MID1: variants seen among roughly 807,000 people sequenced by gnomAD.
MID1 encodes the protein midline 1.
In MID1, 7 loss-of-function variants were observed where a neutral mutation model predicts 40.4. That is an observed-to-expected ratio of 0.17 (90% confidence interval 0.10 to 0.33). The LOEUF (loss-of-function observed/expected upper bound fraction) is 0.33, where lower values mean the gene tolerates loss of function less well. Ranked by LOEUF, MID1 falls within the 10% of genes least tolerant of loss-of-function variation. The pLI, the probability that MID1 is intolerant of heterozygous loss-of-function variation, is 1.00. For missense variants in MID1, 367 were observed against 558.5 expected (o/e 0.66, Z 3.46); for synonymous variants, 229 against 221.2 (o/e 1.04, Z -0.31).
At chrX:10,451,369 T>A (rs1242985279) in intron 9 of MID1, among the ~76,000 whole-genome samples, 1 of 111,405 alleles carries the variant, frequency 9.0e-6, no homozygotes, top group African/African-American at 3.3e-5. Flanking sequence ...AGCTTCTAGA[T>A]GAGCGCCTGA....
chrX:10,497,903 T>C (rs139443924), intron 3 of MID1, among the ~76,000 whole-genome samples: 443 of 111,870 alleles, frequency 4.0e-3, no homozygotes, highest in Admixed American at 6.4e-3. Context: ...TGGCACAAAA[T>C]AGGCATTCAA....
chrX:10,776,571 A>G (rs2043803879), intron 1 of MID1, among the ~76,000 whole-genome samples: 1 of 111,523 alleles, frequency 9.0e-6, no homozygotes, highest in African/African-American at 3.3e-5. Context: ...AGAGATAAGA[A>G]AACAGAAAAA....
intron 1 of MID1, among the ~76,000 whole-genome samples, chrX:10,580,243 CTA>C (rs1934979050): frequency 1.1e-5 from 1 of 90,631 alleles, no homozygotes; most frequent in Non-Finnish European, 2.1e-5. Flanking sequence ...ATTTCTAGAT[CTA>C]TGTTTTTCTC....
At position 10,778,112 on chromosome X, in the gene MID1, C is replaced by T. The variant is rs1444495637; in HGVS notation, c.-187+55442G>A. Among the ~76,000 whole-genome samples, 6 of 111,507 alleles carry T rather than the reference C, an allele frequency of 5.4e-5. No homozygotes were observed. In the East Asian group the frequency reaches 1.4e-3, roughly 26 times the overall value. ...GTATAATAAATACATAAACTGGTAACATAATTTCTTATCATTATGAAGTAT... is the reference window on the plus strand; with the variant it reads ...GTATAATAAATACATAAACTGGTAATATAATTTCTTATCATTATGAAGTAT... On this transcript the variant is annotated intron_variant, in intron 1 of 10. Transcript: ENST00000380785.
chrX:10,822,663 A>T (rs1480190032), intron 1 of MID1, among the ~76,000 whole-genome samples: 1 of 112,089 alleles, frequency 8.9e-6, no homozygotes, highest in African/African-American at 3.2e-5. Flanking sequence ...TAAGCAAAGG[A>T]CATGAATGGA....
intron 1 of MID1, among the ~76,000 whole-genome samples, chrX:10,750,106 G>A (rs761516044): frequency 9.9e-5 from 11 of 110,894 alleles, no homozygotes; most frequent in Non-Finnish European, 1.9e-4. Context: ...ATCTGAGGAG[G>A]GGCCCAAGAA....
At chrX:10,717,590 A>G (rs1367495163) in intron 1 of MID1, among the ~76,000 whole-genome samples, 3 of 110,303 alleles carry the variant, frequency 2.7e-5, no homozygotes, top group African/African-American at 9.9e-5. Flanking sequence ...CCCACACAAT[A>G]ATAATGGGAG....
chrX:10,481,178 T>G (rs1930302335), intron 5 of MID1, among the ~76,000 whole-genome samples: 1 of 111,990 alleles, frequency 8.9e-6, no homozygotes, highest in African/African-American at 3.2e-5. Flanking sequence ...GACCAAGACC[T>G]TACAACCTGC....
Position 10,567,586 on chromosome X carries a change from A to G in MID1, c.-39T>C, listed in dbSNP as rs1320485443. On this transcript the variant is annotated 5_prime_UTR_variant, in exon 2 of 10. Coordinates refer to ENST00000317552, the MANE Select transcript of MID1 (RefSeq NM_000381.4). ...TCTCTTGTGTCATCAGCAAAACCCA[A>G]GGAAGCTGATCAGCTATCTGGAAAC... 8.3e-7 allele frequency: 1 copy of G among 1,201,638 alleles called. No homozygotes were observed. The highest frequency in any genetic ancestry group is 1.1e-6 in the Non-Finnish European group (1 of 887,650).
chrX:10,636,784 G>GCATATATATA (rs1198448070), intron 1 of MID1, among the ~76,000 whole-genome samples: 1 of 12,157 alleles, frequency 8.2e-5, no homozygotes, highest in Admixed American at 1.2e-3. Context: ...CCAACAATGG[G>GCATATATATA]GATATATATA....
intron 2 of MID1, among the ~76,000 whole-genome samples, chrX:10,549,126 T>C (rs1933809828): frequency 8.9e-6 from 1 of 112,610 alleles, no homozygotes; most frequent in Non-Finnish European, 1.9e-5. Flanking sequence ...TATACTGTGA[T>C]TATTACTTTA....
At chrX:10,740,076 T>C (rs1418195081) in intron 1 of MID1, among the ~76,000 whole-genome samples, 6 of 113,201 alleles carry the variant, frequency 5.3e-5, no homozygotes, top group Non-Finnish European at 1.1e-4. Flanking sequence ...ATAAATCTTC[T>C]GTTCCCTTGG....
chrX:10,799,336 T>A (rs2043989818), intron 1 of MID1, among the ~76,000 whole-genome samples: 2 of 112,059 alleles, frequency 1.8e-5, no homozygotes, highest in Admixed American at 1.9e-4. Context: ...TTAAAGGAAG[T>A]AGTACTGAGT....
intron 1 of MID1, among the ~76,000 whole-genome samples, chrX:10,689,163 G>A (rs1435316069): frequency 3.6e-5 from 4 of 111,293 alleles, no homozygotes; most frequent in Non-Finnish European, 7.5e-5. Flanking sequence ...GTATTAGTTC[G>A]TTCTCACACT....
intron 2 of MID1, among the ~76,000 whole-genome samples, chrX:10,556,225 G>A (rs1478787007): frequency 9.0e-6 from 1 of 111,507 alleles, no homozygotes; most frequent in Non-Finnish European, 1.9e-5. Context: ...ATAAACCAAT[G>A]CCAGCTTTTC....
At chrX:10,653,386 A>G (rs1936337292) in intron 1 of MID1, among the ~76,000 whole-genome samples, 1 of 112,573 alleles carries the variant, frequency 8.9e-6, no homozygotes, top group Admixed American at 9.4e-5. Flanking sequence ...AGCAATTCCC[A>G]TGTCTTGTCT....
At chrX:10,587,155 A>AT (rs1935159244) in intron 1 of MID1, among the ~76,000 whole-genome samples, 1 of 112,221 alleles carries the variant, frequency 8.9e-6, no homozygotes, top group African/African-American at 3.2e-5. Context: ...ACAATGTCTT[A>AT]TTTTTTCTCC....
At chrX:10,519,718 C>G (rs901984093) in intron 3 of MID1, among the ~76,000 whole-genome samples, 16 of 111,966 alleles carry the variant, frequency 1.4e-4, no homozygotes, top group Admixed American at 1.3e-3. Context: ...ATCAGCACCT[C>G]AAATGATGAA....
At chrX:10,773,488 T>G (rs746353372) in intron 1 of MID1, among the ~76,000 whole-genome samples, 7 of 112,354 alleles carry the variant, frequency 6.2e-5, no homozygotes, top group Non-Finnish European at 1.1e-4. Context: ...GGTTCCCAAG[T>G]GACATGTGTC....
Sources: gnomAD v4.1 joint callset for allele counts (sites outside exome capture counted in the v4.1 genomes callset) on GRCh38, gnomAD v4.1.1 for gene constraint, MANE v1.5 for transcripts, NCBI Gene and HGNC (gene_info 2026-07-23, HGNC 2026-07-21) for gene names.